GALNTL6: variants seen among roughly 807,000 people sequenced by gnomAD.
GALNTL6 encodes polypeptide N-acetylgalactosaminyltransferase-like 6.
GALNTL6 carries 46 observed loss-of-function variants against 73.7 expected under a neutral mutation model. The ratio of observed to expected loss-of-function variants is 0.62; its 90% CI spans 0.49 to 0.80. The LOEUF is 0.80. Among genes scored for constraint, GALNTL6 ranks in the 30% least tolerant of loss-of-function variants. The pLI, the probability that GALNTL6 is intolerant of heterozygous loss-of-function variation, is 0.00. For synonymous variants in GALNTL6, 259 were observed against 263.7 expected (o/e 0.98, Z 0.17); for missense variants, 604 against 755.0 (o/e 0.80, Z 2.34).
At chr4:172,671,400 T>TTG (rs1179130877) in intron 5 of GALNTL6, among the ~76,000 whole-genome samples, 1 of 151,518 alleles carries the variant, frequency 6.6e-6, no homozygotes, top group African/African-American at 2.4e-5. Flanking sequence ...GTATTTTGTT[T>TTG]TGTGTGTGTG....
chr4:172,928,575 A>C (rs1324823391), intron 8 of GALNTL6, among the ~76,000 whole-genome samples: 1 of 152,212 alleles, frequency 6.6e-6, no homozygotes, highest in African/African-American at 2.4e-5. Context: ...CTAGTGATAC[A>C]GGAAGTCCAT....
chr4:171,968,586 G>C (rs1739458543), intron 2 of GALNTL6, among the ~76,000 whole-genome samples: 1 of 151,978 alleles, frequency 6.6e-6, no homozygotes, highest in Non-Finnish European at 1.5e-5. Flanking sequence ...TCCAAATAAG[G>C]TTACATTCTG....
intron 2 of GALNTL6, among the ~76,000 whole-genome samples, chr4:171,959,132 G>A (rs1010657936): frequency 3.3e-5 from 5 of 152,072 alleles, no homozygotes; most frequent in African/African-American, 7.2e-5. Flanking sequence ...TATAGTTGAC[G>A]GCTTGTTACG....
At chr4:172,373,513 A>C (rs1742902961) in intron 5 of GALNTL6, among the ~76,000 whole-genome samples, 1 of 152,142 alleles carries the variant, frequency 6.6e-6, no homozygotes, top group East Asian at 1.9e-4. Flanking sequence ...ATATCCTGTA[A>C]ACCTTTATGA....
At chr4:172,058,070 G>C (rs1731081496) in intron 2 of GALNTL6, among the ~76,000 whole-genome samples, 1 of 151,302 alleles carries the variant, frequency 6.6e-6, no homozygotes, top group South Asian at 2.1e-4. Flanking sequence ...TTGTTTTTGA[G>C]ACAGGGCCTC....
intron 3 of GALNTL6, among the ~76,000 whole-genome samples, chr4:172,253,627 T>A (rs1737956722): frequency 6.6e-6 from 1 of 151,980 alleles, no homozygotes; most frequent in Non-Finnish European, 1.5e-5. Flanking sequence ...GTGAGACATC[T>A]CATGTCATTC....
chr4:172,217,158 T>A (rs764921329), intron 2 of GALNTL6, among the ~76,000 whole-genome samples: 1 of 152,072 alleles, frequency 6.6e-6, no homozygotes, highest in Non-Finnish European at 1.5e-5. Flanking sequence ...TCTTAGTTAA[T>A]CTCTTCAGGA....
chr4:172,273,946 T>A (rs1361670238), intron 3 of GALNTL6, among the ~76,000 whole-genome samples: 1 of 152,222 alleles, frequency 6.6e-6, no homozygotes, highest in Admixed American at 6.5e-5. Flanking sequence ...CACATGGTGA[T>A]GACATGCAGG....
intron 5 of GALNTL6, among the ~76,000 whole-genome samples, chr4:172,529,897 T>TTATTTATC (rs1561124336): frequency 0.016 from 2,368 of 149,830 alleles, 66 homozygotes; most frequent in African/African-American, 0.053. Context: ...ATTTATTTAT[T>TTATTTATC]TATCTATTTA....
At chr4:172,355,529 A>C (rs1578987976) in intron 5 of GALNTL6, among the ~76,000 whole-genome samples, 2 of 152,116 alleles carry the variant, frequency 1.3e-5, no homozygotes, top group African/African-American at 4.8e-5. Flanking sequence ...ATTACAGCAA[A>C]TTCCACAGTA....
rs142062577 is a variant in GALNTL6 at position 172,442,596 on chromosome 4, C to T, written c.553+93907C>T. Among the ~76,000 whole-genome samples, 21 of 152,184 alleles carry T rather than the reference C, an allele frequency of 1.4e-4. No homozygotes were observed. The East Asian group carries it at 2.9e-3, about 21-fold the overall frequency. ...CTTTAAACTCAACAAGAAAGGACAA[C>T]AAGAAAATTAAATGCTCTATCCCAT... On this transcript the variant is annotated intron_variant, in intron 5 of 12. Transcript: ENST00000506823.
chr4:172,182,955 G>T (rs1171379241), intron 2 of GALNTL6, among the ~76,000 whole-genome samples: 1 of 152,080 alleles, frequency 6.6e-6, no homozygotes, highest in East Asian at 1.9e-4. Flanking sequence ...CAAGGCCTTT[G>T]GGAAGTTGAT....
intron 5 of GALNTL6, among the ~76,000 whole-genome samples, chr4:172,534,161 A>G (rs150069998): frequency 1.2e-4 from 18 of 152,310 alleles, no homozygotes; most frequent in African/African-American, 3.8e-4. Context: ...TCTTCACCCA[A>G]TGGGTGCGAA....
At chr4:172,546,804 A>ACG (rs1402930162) in intron 5 of GALNTL6, among the ~76,000 whole-genome samples, 2 of 81,356 alleles carry the variant, frequency 2.5e-5, no homozygotes, top group East Asian at 6.4e-4. Context: ...ATACGTATAT[A>ACG]TACGTATATA....
intron 8 of GALNTL6, among the ~76,000 whole-genome samples, chr4:172,898,417 A>G (rs1746444901): frequency 6.6e-6 from 1 of 151,750 alleles, no homozygotes; most frequent in South Asian, 2.1e-4. Flanking sequence ...TAAAGAGCAA[A>G]AGGTTATACT....
chr4:173,021,014 A>G (rs1318138133), intron 11 of GALNTL6, among the ~76,000 whole-genome samples: 3 of 152,202 alleles, frequency 2.0e-5, no homozygotes, highest in Non-Finnish European at 4.4e-5. Context: ...TGGAGGATGC[A>G]GTGAGCCGAG....
At chr4:171,917,866 A>C (rs1376684546) in intron 2 of GALNTL6, among the ~76,000 whole-genome samples, 1 of 152,104 alleles carries the variant, frequency 6.6e-6, no homozygotes, top group Non-Finnish European at 1.5e-5. Flanking sequence ...AACTATACTC[A>C]TAATAGAGAC....
intron 5 of GALNTL6, among the ~76,000 whole-genome samples, chr4:172,687,421 A>C (rs1026438825): frequency 4.6e-5 from 7 of 151,982 alleles, no homozygotes; most frequent in Non-Finnish European, 1.5e-5. Context: ...CCAGGTCAGA[A>C]GTTCAAGACC....
chr4:171,945,953 A>G (rs1156438053), intron 2 of GALNTL6, among the ~76,000 whole-genome samples: 2 of 152,182 alleles, frequency 1.3e-5, no homozygotes, highest in Non-Finnish European at 2.9e-5. Context: ...TGACAATGAA[A>G]ACATATTAAT....
Sources: gnomAD v4.1 joint callset for allele counts (sites outside exome capture counted in the v4.1 genomes callset) on GRCh38, gnomAD v4.1.1 for gene constraint, MANE v1.5 for transcripts, NCBI Gene and HGNC (gene_info 2026-07-23, HGNC 2026-07-21) for gene names.